CBX3: variants seen among roughly 807,000 people sequenced by gnomAD.
CBX3 encodes chromobox protein homolog 3.
Under a neutral mutation model 22.6 loss-of-function variants are expected in CBX3, and 5 were observed. The observed-to-expected ratio is 0.22, with a 90% confidence interval of 0.12 to 0.47. The LOEUF is 0.47. Among genes scored for constraint, CBX3 ranks in the 20% least tolerant of loss-of-function variants. CBX3 has a pLI of 0.99. For synonymous variants in CBX3, 50 were observed against 66.6 expected, an observed-to-expected ratio of 0.75 and a Z score of 1.21; for missense variants, 83 against 208.1, an observed-to-expected ratio of 0.40 and a Z score of 3.70.
At chr7:26,212,041 A>G (rs1445131372) in intron 5 of CBX3, 41 bp from the exon 6 acceptor site, 9 of 1,468,774 alleles carry the variant, frequency 6.1e-6, no homozygotes, top group African/African-American at 5.8e-5. Flanking sequence ...TGACATGAAC[A>G]ACTTCGACTT....
intron 1 of CBX3, 109 bp from the exon 2 acceptor site, chr7:26,202,862 G>A (rs1042197147): frequency 2.8e-6 from 2 of 703,278 alleles, no homozygotes; most frequent in Non-Finnish European, 5.1e-6. Flanking sequence ...TTGTATTCAC[G>A]TTTGAAATGT....
rs1235147459 is a variant in CBX3, at chr7:26,212,605, TG to T, written c.*398del. The stretch of plus-strand genomic sequence containing the variant: ...TTTTGTGTGTGTGTGTGTGTGTGTG[TG>T]TGTGTGTATCCATAAAATGCATATG... On this transcript the variant is annotated 3_prime_UTR_variant, in exon 6 of 6. Coordinates refer to ENST00000396386, the MANE Select transcript of CBX3 (RefSeq NM_016587.4). 8 of 152,140 alleles carry T rather than the reference TG, an allele frequency of 5.3e-5. No individual in the cohort carries two copies. Among genetic ancestry groups the T allele is most frequent in the African/African-American group, 1.9e-4 (8 of 41,474 alleles). The allele number at this position is 152,140 out of a possible 1,614,324, so 9.4% of individuals were successfully genotyped here. A position where few individuals can be genotyped will look rare whatever the true frequency, so the allele number is the denominator to read the frequency against.
chr7:26,208,673 T>C, intron 4 of CBX3, 118 bp downstream of exon 4: 1 of 887,970 alleles, frequency 1.1e-6, no homozygotes. Flanking sequence ...CAGGCTGGAG[T>C]GCAATGGCAT....
intron 4 of CBX3, among the ~76,000 whole-genome samples, chr7:26,211,445 C>T (rs1784801601): frequency 6.6e-6 from 1 of 152,092 alleles, no homozygotes; most frequent in Non-Finnish European, 1.5e-5. Flanking sequence ...ACTTTTTATT[C>T]TGAATGTTTT....
chr7:26,206,914 A>G (rs1346305348), intron 3 of CBX3, among the ~76,000 whole-genome samples: 1 of 152,188 alleles, frequency 6.6e-6, no homozygotes, highest in Non-Finnish European at 1.5e-5. Flanking sequence ...TAGGCTTTAT[A>G]CTAGGTTTAT....
At chr7:26,206,867 A>G (rs1784687786) in intron 3 of CBX3, among the ~76,000 whole-genome samples, 1 of 152,242 alleles carries the variant, frequency 6.6e-6, no homozygotes, top group Non-Finnish European at 1.5e-5. Context: ...GCTTTACAAT[A>G]TAGACTAGTG....
chr7:26,209,139 T>C (rs1482422482), intron 4 of CBX3, among the ~76,000 whole-genome samples: 8 of 150,202 alleles, frequency 5.3e-5, no homozygotes, highest in Admixed American at 5.3e-4. Flanking sequence ...ACTCCTGACA[T>C]CAGGTGATCC....
chr7:26,204,414 TTGTAC>T (rs1195275498), intron 2 of CBX3, among the ~76,000 whole-genome samples: 1 of 152,234 alleles, frequency 6.6e-6, no homozygotes, highest in Non-Finnish European at 1.5e-5. Flanking sequence ...TCCTACCTTC[TTGTAC>T]TGTACAGTGG....
chr7:26,208,654 CTT>C (rs889256088), intron 4 of CBX3, 99 bp downstream of exon 4: 65 of 1,165,706 alleles, frequency 5.6e-5, no homozygotes, highest in Non-Finnish European at 7.7e-5. Flanking sequence ...GAGTCTTGCT[CTT>C]GTCGCCCAGG....
chr7:26,204,228 T>C (rs1208356800), intron 2 of CBX3, among the ~76,000 whole-genome samples: 8 of 143,178 alleles, frequency 5.6e-5, no homozygotes, highest in Non-Finnish European at 1.2e-4. Context: ...GCATTTTGTC[T>C]GCCTTTTTTT....
chr7:26,211,948 A>G (rs917436063), intron 5 of CBX3, 134 bp from the exon 6 acceptor site: 76 of 910,826 alleles, frequency 8.3e-5, no homozygotes, highest in Non-Finnish European at 1.1e-4. Flanking sequence ...TTATTAGAAC[A>G]TAGCAACAAG....
chr7:26,202,795 A>G (rs993381383), intron 1 of CBX3, 176 bp from the exon 2 acceptor site: 2 of 603,636 alleles, frequency 3.3e-6, no homozygotes, highest in Non-Finnish European at 5.9e-6. Context: ...CATGGTTAGG[A>G]CACGTACTTA....
At chr7:26,210,532 C>G (rs1249599005) in intron 4 of CBX3, 4 of 152,084 alleles carry the variant, frequency 2.6e-5, no homozygotes, top group Non-Finnish European at 5.9e-5. Context: ...GACTCCAGAG[C>G]TTGTGACATT....
rs137887285 is a variant in CBX3, at chr7:26,205,433, AGTTTT to A, written c.25-931_25-927del. Among the ~76,000 whole-genome samples, 831 of 152,304 alleles carry A rather than the reference AGTTTT, an allele frequency of 5.5e-3. 4 individuals carry two copies. Among genetic ancestry groups the A allele is most frequent in the African/African-American group, 0.019 (798 of 41,558 alleles). On this transcript the variant is annotated intron_variant, in intron 2 of 5. Transcript: ENST00000396386. ...TGGTCTCTTGAAGTGATAGCTTTAT[AGTTTT>A]GTTCTAAGTGGTAGGAAATATTATC... is the stretch of plus-strand genomic sequence containing the variant.
At chr7:26,209,740 A>C (rs1025945366) in intron 4 of CBX3, among the ~76,000 whole-genome samples, 37 of 152,276 alleles carry the variant, frequency 2.4e-4, no homozygotes, top group African/African-American at 8.2e-4. Flanking sequence ...CTTCTTACTT[A>C]CACCCTTGAT....
At chr7:26,207,979 G>C (rs1784718562) in intron 3 of CBX3, among the ~76,000 whole-genome samples, 1 of 151,582 alleles carries the variant, frequency 6.6e-6, no homozygotes, top group Non-Finnish European at 1.5e-5. Context: ...GGGGGTCCAA[G>C]GCTGGAGGAT....
chr7:26,208,829 AG>A (rs1051484173), intron 4 of CBX3, among the ~76,000 whole-genome samples: 24 of 146,534 alleles, frequency 1.6e-4, no homozygotes, highest in African/African-American at 5.3e-4. Flanking sequence ...CATGTTGGCC[AG>A]GCTGGTCTTG....
intron 4 of CBX3, among the ~76,000 whole-genome samples, chr7:26,211,268 TTTTG>T (rs1211013894): frequency 6.6e-6 from 1 of 152,180 alleles, no homozygotes; most frequent in Non-Finnish European, 1.5e-5. Context: ...ACCGTTTGTG[TTTTG>T]TTTATGCTTT....
chr7:26,211,890 G>GTT lies in CBX3; in HGVS notation c.425+137_425+138dup. On this transcript the variant is annotated intron_variant, in intron 5 of 5. Transcript: ENST00000396386. Reference sequence around the variant, plus strand: ...GATTCTGGTTACTTTTACTAGTAGTGTTTTAAAGCAAGGGTCAGCAAACTG... The same window carrying GTT: ...GATTCTGGTTACTTTTACTAGTAGTGTTTTTTAAAGCAAGGGTCAGCAAACTG... 3.5e-6 allele frequency: 3 copies of GTT among 858,140 alleles called. No homozygotes were observed. In the South Asian group the frequency reaches 5.9e-5, roughly 17 times the overall value. The allele number at this position is 858,140 out of a possible 1,614,324, so 53.2% of individuals were successfully genotyped here. A position where few individuals can be genotyped will look rare whatever the true frequency, so the allele number is the denominator to read the frequency against.
Sources: allele counts gnomAD v4.1 joint callset (sites outside exome capture counted in the v4.1 genomes callset), GRCh38; gene constraint gnomAD v4.1.1; transcripts MANE v1.5; gene names NCBI Gene and HGNC (gene_info 2026-07-23, HGNC 2026-07-21).